The following NPHP1 variants were observed in gnomAD, a reference collection of about 807,000 sequenced individuals.
NPHP1 encodes the protein nephrocystin-1.
NPHP1 carries 70 observed loss-of-function variants against 90.4 expected under a neutral mutation model. The observed-to-expected ratio is 0.77, with a 90% CI of 0.64 to 0.95. The LOEUF is 0.95. NPHP1 is among the 40% of genes least tolerant of loss of function. The pLI, the probability that NPHP1 is intolerant of heterozygous loss-of-function variation, is 0.00. For synonymous variants in NPHP1, 256 were observed against 271.7 expected, an observed-to-expected ratio of 0.94 and a Z score of 0.57; for missense variants, 764 against 795.9, an observed-to-expected ratio of 0.96 and a Z score of 0.48.
intron 2 of NPHP1, among the ~76,000 whole-genome samples, chr2:110,189,586 T>G (rs943522668): frequency 6.6e-6 from 1 of 152,008 alleles, no homozygotes; most frequent in Non-Finnish European, 1.5e-5. Context: ...GCTTCCACAG[T>G]GTGGAAGGGG....
intron 4 of NPHP1, among the ~76,000 whole-genome samples, chr2:110,177,046 A>G (rs1683555407): frequency 6.6e-6 from 1 of 152,232 alleles, no homozygotes; most frequent in Non-Finnish European, 1.5e-5. Flanking sequence ...TAAGACTACT[A>G]TTCCCTGCTT....
chr2:110,179,130 C>T (rs1683708188), intron 3 of NPHP1, among the ~76,000 whole-genome samples: 1 of 147,216 alleles, frequency 6.8e-6, no homozygotes, highest in African/African-American at 2.6e-5. Flanking sequence ...GGACATCTAG[C>T]TGTAGCCAAG....
At chr2:110,195,044 C>G (rs1347103350) in intron 2 of NPHP1, among the ~76,000 whole-genome samples, 1 of 152,094 alleles carries the variant, frequency 6.6e-6, no homozygotes, top group African/African-American at 2.4e-5. Flanking sequence ...AACCCACAGC[C>G]AATATCATAC....
chr2:110,163,226 A>G (rs1389972594), intron 8 of NPHP1, 91 bp from the exon 9 acceptor site: 1 of 913,904 alleles, frequency 1.1e-6, no homozygotes, highest in African/African-American at 1.6e-5. Flanking sequence ...TAACCCAAAA[A>G]AGAAAAATAT....
chr2:110,189,456 T>C (rs1230683166), intron 2 of NPHP1, among the ~76,000 whole-genome samples: 1 of 151,956 alleles, frequency 6.6e-6, no homozygotes, highest in Non-Finnish European at 1.5e-5. Flanking sequence ...GGGCTCATGG[T>C]CTCGCTGACT....
chr2:110,147,971 G>A lies in NPHP1; in HGVS notation c.1214C>T (p.Ser405Phe). ...TAATATTCCAAGATCTGGAGATGCA[G>A]AATTAGACCTGATAAAGCAATCACC... is the stretch of plus-strand genomic sequence containing the variant. Reference protein sequence around the residue: ...LDGDCFIRSNSASPDLGILFE... With the variant: ...LDGDCFIRSNFASPDLGILFE... The change falls in exon 13 of 20, where the codon TCT becomes TTT. Residue 405 changes from serine to phenylalanine, a missense_variant. Physicochemically the swap from Ser to Phe is radical, Grantham distance 155. Coordinates refer to ENST00000445609, the MANE Select transcript of NPHP1 (RefSeq NM_001128178.3). The A allele has an allele frequency of 6.2e-7, 1 of 1,611,466 alleles. No homozygotes were observed. The highest frequency in any genetic ancestry group is 8.5e-7 in the Non-Finnish European group (1 of 1,177,578).
chr2:110,200,016 G>A (rs1685456010), intron 2 of NPHP1, among the ~76,000 whole-genome samples: 1 of 152,164 alleles, frequency 6.6e-6, no homozygotes, highest in African/African-American at 2.4e-5. Flanking sequence ...CCAGCACTTT[G>A]GGAGGCCAAA....
At position 110,163,152 on chromosome 2, in the gene NPHP1, C is replaced by T. The variant is rs146343637; in HGVS notation, c.772-17G>A. 13,377 of 1,558,244 alleles carry T rather than the reference C, an allele frequency of 8.6e-3. 145 individuals carry two copies. Among genetic ancestry groups the T allele is most frequent in the Middle Eastern group, 0.014 (83 of 5,942 alleles). On this transcript the variant is annotated splice_polypyrimidine_tract_variant and intron_variant, in intron 8 of 19. Coordinates refer to ENST00000445609, the MANE Select transcript of NPHP1 (RefSeq NM_001128178.3). The stretch of plus-strand genomic sequence containing the variant: ...GTTTATCTGCTGAAGACAGTAACAT[C>T]AAAATGGATTTGTTTTCAGTCATGT...
rs780155065 is a variant in NPHP1, at chr2:110,144,567, G to A, written c.1355C>T (p.Thr452Ile). 6.3e-7 allele frequency: 1 copy of A among 1,580,000 alleles called. No individual in the cohort carries two copies. Among genetic ancestry groups the A allele is most frequent in the Non-Finnish European group, 8.7e-7 (1 of 1,149,146 alleles). ...ACCACCATTCAAGAAAAGCTCATAA[G>A]TTCTATAAAAGAATAACATACAATG... ...DASGVPIPAK[T>I]YELFLNGGTP... The change falls in exon 15 of 20, where the codon ACT becomes ATT. Residue 452 changes from threonine (T) to isoleucine (I), a missense_variant and splice_region_variant. Thr to Ile is a moderately conservative substitution (Grantham distance 89). Transcript: ENST00000445609.
intron 2 of NPHP1, among the ~76,000 whole-genome samples, chr2:110,190,140 C>T (rs1010575662): frequency 1.3e-5 from 2 of 152,174 alleles, no homozygotes; most frequent in Non-Finnish European, 2.9e-5. Context: ...CTCCACATCC[C>T]CACCAGACTC....
At chr2:110,150,037 T>C in intron 12 of NPHP1, 145 bp downstream of exon 12, 2 of 730,028 alleles carry the variant, frequency 2.7e-6, no homozygotes, top group African/African-American at 1.8e-5. Flanking sequence ...GTCAGAAACA[T>C]GAGTAATTTT....
chr2:110,162,820 G>GA (rs1478680728), intron 9 of NPHP1, among the ~76,000 whole-genome samples: 1 of 151,860 alleles, frequency 6.6e-6, no homozygotes, highest in Non-Finnish European at 1.5e-5. Context: ...TCACATTTTT[G>GA]AAAAAAAGAA....
At chr2:110,134,925 A>G (rs1199888754) in intron 16 of NPHP1, among the ~76,000 whole-genome samples, 2 of 152,174 alleles carry the variant, frequency 1.3e-5, no homozygotes, top group African/African-American at 4.8e-5. Context: ...AAGGAACAAG[A>G]CAAGGATCCT....
Position 110,168,481 on chromosome 2 carries a change from C to A in NPHP1, c.595G>T (p.Glu199Ter). Residue 199 changes from glutamate (E) to a stop codon, truncating the protein, a stop_gained, in exon 6 of 20, where the codon GAA becomes TAA. Transcript: ENST00000445609. LOFTEE classifies it high-confidence loss of function. ...WWIAKDAKGN[E>*]GLVPRTYLEP... Reference sequence around the variant, plus strand: ...AGGTAGGTTCTGGGAACAAGACCTTCATTTCCTTTGGCATCCTTAGCTATC... The same window carrying A: ...AGGTAGGTTCTGGGAACAAGACCTTAATTTCCTTTGGCATCCTTAGCTATC... 1 of 1,612,872 alleles carries A rather than the reference C, an allele frequency of 6.2e-7. No homozygotes were observed. The highest frequency in any genetic ancestry group is 8.5e-7 in the Non-Finnish European group (1 of 1,179,074).
chr2:110,149,260 T>A (rs1681287162), intron 12 of NPHP1, among the ~76,000 whole-genome samples: 1 of 152,176 alleles, frequency 6.6e-6, no homozygotes, highest in Non-Finnish European at 1.5e-5. Flanking sequence ...ATAACTGATG[T>A]TTAATTTCAT....
intron 4 of NPHP1, among the ~76,000 whole-genome samples, chr2:110,176,504 A>AT (rs1210127338): frequency 2.6e-5 from 4 of 151,636 alleles, no homozygotes; most frequent in Non-Finnish European, 4.4e-5. Context: ...TGCATTTCTG[A>AT]TTTTTTTTAT....
Position 110,143,583 on chromosome 2 carries a change from C to G in NPHP1, c.1488G>C (p.Val496=). The G allele has an allele frequency of 6.2e-7, 1 of 1,613,722 alleles. No homozygotes were observed. Among genetic ancestry groups the G allele is most frequent in the Middle Eastern group, 1.6e-4 (1 of 6,062 alleles). Reference sequence around the variant, plus strand: ...ATCTTCTGTTCAAGGATCTCAGTTTCACTAGAAGTTGAGGCTGCCTTCTCA... The same window carrying G: ...ATCTTCTGTTCAAGGATCTCAGTTTGACTAGAAGTTGAGGCTGCCTTCTCA... The part of the protein sequence containing the change: ...MTMRRQPQLL[V]KLRSLNRRSR... Residue 496 remains valine (V), a synonymous_variant, in exon 16 of 20, where the codon GTG becomes GTC. Transcript: ENST00000445609.
intron 2 of NPHP1, among the ~76,000 whole-genome samples, chr2:110,194,917 T>C (rs549854996): frequency 3.3e-5 from 5 of 152,236 alleles, no homozygotes; most frequent in South Asian, 4.1e-4. Context: ...CACATGATTA[T>C]CTCAATAGAT....
chr2:110,144,540 G>T lies in NPHP1; in HGVS notation c.1382C>A (p.Thr461Asn). ...KTYELFLNGG[T>N]PYEKGIEVDP... is the part of the protein sequence containing the mutation. Reference sequence around the variant, plus strand: ...CACTTCAATACCTTTTTCATAAGGAGTACCACCATTCAAGAAAAGCTCATA... The same window carrying T: ...CACTTCAATACCTTTTTCATAAGGATTACCACCATTCAAGAAAAGCTCATA... Residue 461 changes from threonine (T) to asparagine (N), a missense_variant, in exon 15 of 20, where the codon ACT becomes AAT. Thr to Asn is a moderately conservative substitution (Grantham distance 65). Coordinates refer to ENST00000445609, the MANE Select transcript of NPHP1 (RefSeq NM_001128178.3). 1 of 1,604,810 alleles carries T rather than the reference G, an allele frequency of 6.2e-7. No homozygotes were observed. The highest frequency in any genetic ancestry group is 8.5e-7 in the Non-Finnish European group (1 of 1,171,716).
Sources: gnomAD v4.1 joint callset for allele counts (sites outside exome capture counted in the v4.1 genomes callset) on GRCh38, gnomAD v4.1.1 for gene constraint, MANE v1.5 for transcripts, NCBI Gene and HGNC (gene_info 2026-07-23, HGNC 2026-07-21) for gene names.